The following CCDC178 variants were observed in gnomAD, a reference collection of about 807,000 sequenced individuals.
CCDC178 encodes the protein coiled-coil domain containing 178.
In CCDC178, 126 loss-of-function variants were observed where a neutral mutation model predicts 117.4. That is an observed-to-expected ratio of 1.07 (90% confidence interval 0.93 to 1.24). CCDC178 has a LOEUF of 1.24. Ranked by LOEUF, CCDC178 falls within the 50% of genes most tolerant of loss-of-function variation. CCDC178 has a pLI of 0.00. For missense variants in CCDC178, 1,030 were observed against 986.9 expected (o/e 1.04, Z -0.59); for synonymous variants, 283 against 313.4 (o/e 0.90, Z 1.02).
At chr18:33,247,475 C>T (rs983760427) in intron 14 of CCDC178, among the ~76,000 whole-genome samples, 15 of 151,502 alleles carry the variant, frequency 9.9e-5, no homozygotes, top group Admixed American at 9.9e-4. Flanking sequence ...TGAAATAGAA[C>T]CAAAAAACCC....
chr18:33,113,421 T>C (rs2057809869), intron 20 of CCDC178, among the ~76,000 whole-genome samples: 1 of 152,006 alleles, frequency 6.6e-6, no homozygotes, highest in Admixed American at 6.6e-5. Flanking sequence ...GGGGTTAAAA[T>C]CTTAAATAAA....
intron 15 of CCDC178, among the ~76,000 whole-genome samples, chr18:33,236,278 T>C (rs1175837205): frequency 6.6e-6 from 1 of 152,176 alleles, no homozygotes; most frequent in African/African-American, 2.4e-5. Context: ...AAGATTTTCA[T>C]GAATCAGTCC....
chr18:33,056,804 C>A (rs565721066), intron 21 of CCDC178, among the ~76,000 whole-genome samples: 12 of 152,166 alleles, frequency 7.9e-5, no homozygotes, highest in African/African-American at 2.9e-4. Flanking sequence ...TACTTAATCA[C>A]GTATTGTGAG....
At chr18:33,275,931 C>A (rs951806085) in intron 12 of CCDC178, among the ~76,000 whole-genome samples, 6 of 151,346 alleles carry the variant, frequency 4.0e-5, no homozygotes, top group Non-Finnish European at 8.8e-5. Context: ...TATCTAATAA[C>A]CTTGATATAT....
intron 21 of CCDC178, among the ~76,000 whole-genome samples, chr18:33,046,227 A>G (rs1034831878): frequency 5.3e-5 from 8 of 152,190 alleles, no homozygotes; most frequent in South Asian, 4.1e-4. Context: ...TTTATATTCT[A>G]GTATCTTATC....
At chr18:33,334,188 TATAA>T (rs1443472258) in intron 9 of CCDC178, among the ~76,000 whole-genome samples, 1 of 152,160 alleles carries the variant, frequency 6.6e-6, no homozygotes, top group East Asian at 1.9e-4. Flanking sequence ...CTTACCTATA[TATAA>T]ATATGTTGAA....
chr18:33,256,801 T>G (rs1413249308), intron 14 of CCDC178, among the ~76,000 whole-genome samples: 5 of 152,094 alleles, frequency 3.3e-5, no homozygotes, highest in African/African-American at 1.2e-4. Flanking sequence ...CTTTCTACTA[T>G]TCAATTAATA....
At chr18:33,010,478 G>A (rs2055841641) in intron 21 of CCDC178, among the ~76,000 whole-genome samples, 1 of 152,228 alleles carries the variant, frequency 6.6e-6, no homozygotes, top group Non-Finnish European at 1.5e-5. Context: ...AAACAACAAT[G>A]TTTTCATTAA....
chr18:33,119,248 G>A (rs961543798), intron 20 of CCDC178, among the ~76,000 whole-genome samples: 69 of 152,142 alleles, frequency 4.5e-4, no homozygotes, highest in Non-Finnish European at 6.3e-4. Context: ...AGAGTGAACA[G>A]GCAACCCACA....
intron 20 of CCDC178, among the ~76,000 whole-genome samples, chr18:33,174,365 GTTAAA>G (rs2058639091): frequency 6.6e-6 from 1 of 152,144 alleles, no homozygotes. Context: ...CATATCAGAA[GTTAAA>G]TTAATTGTCC....
At chr18:33,062,343 C>A (rs937099902) in intron 21 of CCDC178, among the ~76,000 whole-genome samples, 1 of 152,148 alleles carries the variant, frequency 6.6e-6, no homozygotes, top group South Asian at 2.1e-4. Context: ...CTTGACTTCA[C>A]GATGGCTGAA....
chr18:33,199,427 C>T (rs1043370281), intron 20 of CCDC178, among the ~76,000 whole-genome samples: 2 of 152,196 alleles, frequency 1.3e-5, no homozygotes, highest in Non-Finnish European at 2.9e-5. Flanking sequence ...TCTTGTTCCA[C>T]CTATCATACT....
chr18:33,408,430 A>C (rs1198073537), intron 3 of CCDC178, among the ~76,000 whole-genome samples: 1 of 152,006 alleles, frequency 6.6e-6, no homozygotes, highest in Non-Finnish European at 1.5e-5. Flanking sequence ...TACTATTTTC[A>C]AATGATTTAA....
intron 21 of CCDC178, among the ~76,000 whole-genome samples, chr18:33,046,499 G>A (rs986656739): frequency 1.3e-5 from 2 of 150,626 alleles, no homozygotes; most frequent in African/African-American, 5.0e-5. Context: ...AAATGAAAAC[G>A]TTTACAAGAC....
At chr18:33,375,891 G>T (rs1293529597) in intron 5 of CCDC178, among the ~76,000 whole-genome samples, 6 of 152,154 alleles carry the variant, frequency 3.9e-5, no homozygotes, top group Admixed American at 3.9e-4. Flanking sequence ...TGACTGAGAA[G>T]CATAAGGCAG....
At chr18:33,392,263 G>A (rs1272624134) in intron 4 of CCDC178, among the ~76,000 whole-genome samples, 1 of 152,144 alleles carries the variant, frequency 6.6e-6, no homozygotes, top group Non-Finnish European at 1.5e-5. Context: ...AGAGGCAAAT[G>A]TCCTATTTTC....
chr18:33,260,760 TTAGA>T (rs1477548793), intron 14 of CCDC178, among the ~76,000 whole-genome samples: 2 of 152,238 alleles, frequency 1.3e-5, no homozygotes, highest in East Asian at 3.9e-4. Flanking sequence ...CTATTGTTTG[TTAGA>T]TAGGTAGAGG....
intron 20 of CCDC178, among the ~76,000 whole-genome samples, chr18:33,137,816 A>T (rs544442657): frequency 6.6e-6 from 1 of 152,322 alleles, no homozygotes; most frequent in East Asian, 1.9e-4. Flanking sequence ...GGAAGACACA[A>T]TCACACGGGC....
intron 3 of CCDC178, among the ~76,000 whole-genome samples, chr18:33,405,791 G>A (rs542137891): frequency 1.2e-4 from 18 of 152,110 alleles, no homozygotes; most frequent in African/African-American, 4.3e-4. Context: ...AACTAATATC[G>A]AAGGATGGGA....
Sources: gnomAD v4.1 joint callset for allele counts (sites outside exome capture counted in the v4.1 genomes callset) on GRCh38, gnomAD v4.1.1 for gene constraint, MANE v1.5 for transcripts, NCBI Gene and HGNC (gene_info 2026-07-23, HGNC 2026-07-21) for gene names.